PRDM6: variants seen among roughly 807,000 people sequenced by gnomAD.
PRDM6 encodes the protein putative histone-lysine N-methyltransferase PRDM6.
A neutral mutation model predicts 60.8 loss-of-function variants in PRDM6; 25 were observed. The observed-to-expected ratio is 0.41, with a 90% CI of 0.30 to 0.57. The LOEUF is 0.57. Among genes scored for constraint, PRDM6 ranks in the 20% least tolerant of loss-of-function variants. The probability of loss-of-function intolerance (pLI) is 0.27; values close to 1 mark genes in which losing one functional copy is unlikely to be tolerated. For missense variants in PRDM6, 839 were observed against 821.3 expected, an observed-to-expected ratio of 1.02 and a Z score of -0.26; for synonymous variants, 407 against 357.4, an observed-to-expected ratio of 1.14 and a Z score of -1.57.
Position 123,190,392 on chromosome 5 carries a change from T to G in PRDM6, c.*3191T>G, listed in dbSNP as rs1186851099. 1 of 152,212 alleles carries G rather than the reference T, an allele frequency of 6.6e-6. No homozygotes were observed. Among genetic ancestry groups the G allele is most frequent in the Non-Finnish European group, 1.5e-5 (1 of 68,022 alleles). The allele number at this position is 152,212 out of a possible 1,614,324, so 9.4% of individuals were successfully genotyped here. On this transcript the variant is annotated 3_prime_UTR_variant, in exon 8 of 8. Transcript: ENST00000407847. ...CCAGGATATGTGCATACATTTTTCA[T>G]AGATAAGCTTTTCATTTTTGTTTTG...
chr5:123,139,627 G>C (rs939096029), intron 3 of PRDM6, among the ~76,000 whole-genome samples: 8 of 152,090 alleles, frequency 5.3e-5, no homozygotes, highest in Admixed American at 5.2e-4. Context: ...AGTCCTCAGG[G>C]ATGCAGGTGT....
Position 123,194,149 on chromosome 5 carries a change from T to A in PRDM6, c.*6948T>A, listed in dbSNP as rs998580388. The A allele has an allele frequency of 1.3e-5, 2 of 152,244 alleles. No homozygotes were observed. The highest frequency in any genetic ancestry group is 2.9e-5 in the Non-Finnish European group (2 of 68,046). 9.4% of individuals were successfully genotyped at this position (152,244 alleles called of 1,614,324 possible). A position where few individuals can be genotyped will look rare whatever the true frequency, so the allele number is the denominator to read the frequency against. On this transcript the variant is annotated 3_prime_UTR_variant, in exon 8 of 8. Coordinates refer to ENST00000407847, the MANE Select transcript of PRDM6 (RefSeq NM_001136239.4). ...GATCATGCATGCTGCTGTATTCTTG[T>A]GATGGAATCTACCAGGATTAAGTTG... is the stretch of plus-strand genomic sequence containing the variant.
chr5:123,159,428 A>G (rs1765577376), intron 4 of PRDM6, 86 bp from the exon 5 acceptor site: 1 of 1,463,630 alleles, frequency 6.8e-7, no homozygotes, highest in Admixed American at 2.3e-5. Flanking sequence ...GGAGCTGCGT[A>G]GAACTTTTTC....
At chr5:123,107,301 A>G (rs540855548) in intron 3 of PRDM6, among the ~76,000 whole-genome samples, 3 of 152,388 alleles carry the variant, frequency 2.0e-5, no homozygotes, top group African/African-American at 7.2e-5. Context: ...TTAGAATTCT[A>G]ATTATCCAAC....
chr5:123,159,525 T>A lies in PRDM6; in HGVS notation c.1040T>A (p.Phe347Tyr). 9 of 1,551,312 alleles carry A rather than the reference T, an allele frequency of 5.8e-6. No homozygotes were observed. Among genetic ancestry groups the A allele is most frequent in the Non-Finnish European group, 7.8e-6 (9 of 1,146,732 alleles). Residue 347 changes from phenylalanine to tyrosine, a missense_variant, in exon 5 of 8, where the codon TTC becomes TAC. Physicochemically the swap from Phe to Tyr is conservative, Grantham distance 22. Coordinates refer to ENST00000407847, the MANE Select transcript of PRDM6 (RefSeq NM_001136239.4). Reference protein sequence around the residue: ...LTVVQYRSNIFYRACIDIPRG... With the variant: ...LTVVQYRSNIYYRACIDIPRG... ...TTTGTTTTGAATAGGTCGAATATAT[T>A]CTACCGAGCCTGTATAGATATCCCT...
At chr5:123,095,058 T>C (rs2150205728) in intron 2 of PRDM6, among the ~76,000 whole-genome samples, 1 of 152,258 alleles carries the variant, frequency 6.6e-6, no homozygotes, top group East Asian at 1.9e-4. Context: ...TCCCAGGAGC[T>C]GGGCCGCCCC....
intron 3 of PRDM6, among the ~76,000 whole-genome samples, chr5:123,144,264 G>T (rs1348724876): frequency 2.6e-5 from 4 of 152,188 alleles, no homozygotes; most frequent in African/African-American, 9.7e-5. Flanking sequence ...TCTATGCAAT[G>T]GGAAGGATCC....
intron 3 of PRDM6, among the ~76,000 whole-genome samples, chr5:123,112,005 C>G (rs967148930): frequency 6.6e-6 from 1 of 152,190 alleles, no homozygotes; most frequent in African/African-American, 2.4e-5. Flanking sequence ...TATTAAAGAA[C>G]TACTAACAGA....
intron 3 of PRDM6, among the ~76,000 whole-genome samples, chr5:123,150,942 T>C (rs2126868915): frequency 6.6e-6 from 1 of 152,352 alleles, no homozygotes; most frequent in African/African-American, 2.4e-5. Context: ...TAATATTTTT[T>C]AATCCTAGTT....
rs1479504476 is a variant in PRDM6, at chr5:123,101,830, C to T, written c.900+1869C>T. On this transcript the variant is annotated intron_variant, in intron 3 of 7. Transcript: ENST00000407847. ...ATATTAACACTGAAAACTATGAAAC[C>T]TTTCTTTTCTACCTTTACTTGTACT... 3.5e-4 allele frequency among the ~76,000 whole-genome samples: 53 copies of T among 152,186 alleles called. 1 individual carries two copies. The highest frequency in any genetic ancestry group is 3.5e-3 in the Admixed American group (53 of 15,276).
rs576568262 is a variant in PRDM6 at position 123,090,146 on chromosome 5, G to T, written c.132G>T (p.Leu44=). ...PLKGSGAAGL[L]SAPQPLQPPP... Reference sequence around the variant, plus strand: ...AGGGCAGCGGCGCCGCGGGTCTCCTGAGCGCGCCGCAGCCTCTTCAGCCGC... The same window carrying T: ...AGGGCAGCGGCGCCGCGGGTCTCCTTAGCGCGCCGCAGCCTCTTCAGCCGC... The change falls in exon 2 of 8, where the codon CTG becomes CTT. Residue 44 remains leucine, a synonymous_variant. Coordinates refer to ENST00000407847, the MANE Select transcript of PRDM6 (RefSeq NM_001136239.4). 29 of 1,530,668 alleles carry T rather than the reference G, an allele frequency of 1.9e-5. No homozygotes were observed. The highest frequency in any genetic ancestry group is 1.8e-4 in the African/African-American group (13 of 70,344). 94.8% of individuals were successfully genotyped at this position (1,530,668 alleles called of 1,614,324 possible).
At chr5:123,167,144 G>A (rs1369149642) in intron 5 of PRDM6, among the ~76,000 whole-genome samples, 1 of 152,052 alleles carries the variant, frequency 6.6e-6, no homozygotes, top group Non-Finnish European at 1.5e-5. Context: ...TTTTTTAGGA[G>A]ATAGAGTCTT....
At chr5:123,120,812 G>T (rs1211734064) in intron 3 of PRDM6, among the ~76,000 whole-genome samples, 1 of 152,038 alleles carries the variant, frequency 6.6e-6, no homozygotes, top group Non-Finnish European at 1.5e-5. Flanking sequence ...TAGCATCTAG[G>T]TTAATAGATT....
At chr5:123,116,860 T>C (rs1425996543) in intron 3 of PRDM6, among the ~76,000 whole-genome samples, 1 of 152,210 alleles carries the variant, frequency 6.6e-6, no homozygotes, top group Non-Finnish European at 1.5e-5. Context: ...AGATAATTGC[T>C]GAAATATTTG....
At position 123,187,135 on chromosome 5, in the gene PRDM6, A is replaced by T. The variant is rs1416487087; in HGVS notation, c.1722A>T (p.Arg574=). 2.6e-6 allele frequency: 4 copies of T among 1,551,634 alleles called. No individual in the cohort carries two copies. Among genetic ancestry groups the T allele is most frequent in the Non-Finnish European group, 3.5e-6 (4 of 1,146,946 alleles). Residue 574 remains arginine (R), a synonymous_variant, in exon 8 of 8, where the codon CGA becomes CGT. Transcript: ENST00000407847. ...TCACGCAGGCCACCCAGCTGAGCCG[A>T]CACCAGCGGATGCCCAATGAGTGCA... ...RSFTQATQLS[R]HQRMPNECKP... is the part of the protein sequence containing the mutation.
At chr5:123,092,595 T>C (rs1763866285) in intron 2 of PRDM6, among the ~76,000 whole-genome samples, 1 of 152,364 alleles carries the variant, frequency 6.6e-6, no homozygotes, top group Admixed American at 6.5e-5. Flanking sequence ...TAAATTACAA[T>C]TTTATTTAAA....
At chr5:123,155,030 C>T (rs184994726) in intron 3 of PRDM6, among the ~76,000 whole-genome samples, 21 of 152,240 alleles carry the variant, frequency 1.4e-4, no homozygotes, top group African/African-American at 4.8e-4. Flanking sequence ...CAAGCTGTTG[C>T]CTCTGCTGTT....
intron 3 of PRDM6, among the ~76,000 whole-genome samples, chr5:123,121,844 A>G (rs1055470272): frequency 6.7e-5 from 10 of 149,484 alleles, no homozygotes; most frequent in African/African-American, 2.2e-4. Context: ...TTAGTTGGGG[A>G]GTTTTTTAGT....
At chr5:123,167,246 A>T (rs1765772584) in intron 5 of PRDM6, among the ~76,000 whole-genome samples, 1 of 151,804 alleles carries the variant, frequency 6.6e-6, no homozygotes, top group African/African-American at 2.4e-5. Flanking sequence ...CAAACACTAG[A>T]TCTTATTTCT....
Sources: gnomAD v4.1 joint callset for allele counts (sites outside exome capture counted in the v4.1 genomes callset) on GRCh38, gnomAD v4.1.1 for gene constraint, MANE v1.5 for transcripts, NCBI Gene and HGNC (gene_info 2026-07-23, HGNC 2026-07-21) for gene names.